Variants in LMX1B observed in about 807,000 individuals in gnomAD.
LMX1B encodes the protein LIM homeobox transcription factor 1-beta.
A neutral mutation model predicts 51.4 loss-of-function variants in LMX1B; 12 were observed. That is an observed-to-expected ratio of 0.23 (90% CI 0.15 to 0.38). The LOEUF is 0.38. LMX1B is among the 10% of genes least tolerant of loss of function. The probability of loss-of-function intolerance (pLI) is 1.00; values close to 1 mark genes in which losing one functional copy is unlikely to be tolerated. For synonymous variants in LMX1B, 237 were observed against 235.4 expected (o/e 1.01, Z -0.06); for missense variants, 445 against 571.1 (o/e 0.78, Z 2.25).
At chr9:126,678,976 A>G (rs1356376266) in intron 2 of LMX1B, among the ~76,000 whole-genome samples, 1 of 152,218 alleles carries the variant, frequency 6.6e-6, no homozygotes, top group African/African-American at 2.4e-5. Context: ...CAGCAGTCCA[A>G]AATCCTTAAA....
At chr9:126,685,574 G>C (rs1258606353) in intron 2 of LMX1B, among the ~76,000 whole-genome samples, 1 of 152,200 alleles carries the variant, frequency 6.6e-6, no homozygotes, top group Non-Finnish European at 1.5e-5. Context: ...TTGCCTTGAG[G>C]AGTGGAAGAG....
chr9:126,669,103 C>T (rs570101963), intron 2 of LMX1B, among the ~76,000 whole-genome samples: 11 of 152,274 alleles, frequency 7.2e-5, no homozygotes, highest in Non-Finnish European at 1.3e-4. Flanking sequence ...TCCTGGACCC[C>T]GAGGGCGGAG....
Position 126,673,255 on chromosome 9 carries a change from G to A in LMX1B, c.327-17581G>A. Reference sequence around the variant, plus strand: ...AGACACCACAGGGAGCCCCTACCTAGGGAAAGGGCATTGAGGGGACCTGTC... The same window carrying A: ...AGACACCACAGGGAGCCCCTACCTAAGGAAAGGGCATTGAGGGGACCTGTC... On this transcript the variant is annotated intron_variant, in intron 2 of 7. Transcript: ENST00000373474. The surrounding 1 kb of genome is among the most constrained non-coding windows in gnomAD (Gnocchi z 4.4). Among the ~76,000 whole-genome samples the A allele has an allele frequency of 6.6e-6, 1 of 152,164 alleles. No homozygotes were observed. The highest frequency in any genetic ancestry group is 1.9e-4 in the East Asian group (1 of 5,170).
intron 2 of LMX1B, among the ~76,000 whole-genome samples, chr9:126,619,498 G>A (rs1337175444): frequency 6.6e-6 from 1 of 152,226 alleles, no homozygotes; most frequent in Non-Finnish European, 1.5e-5. Flanking sequence ...GGGCTGCAGA[G>A]CGCCTGTCCT....
At chr9:126,670,634 A>AG (rs1258708209) in intron 2 of LMX1B, among the ~76,000 whole-genome samples, 1 of 152,112 alleles carries the variant, frequency 6.6e-6, no homozygotes, top group Non-Finnish European at 1.5e-5. Flanking sequence ...GACACGGGTG[A>AG]GGGCCTAGAC....
intron 2 of LMX1B, among the ~76,000 whole-genome samples, chr9:126,648,133 G>T (rs1047197340): frequency 3.9e-5 from 6 of 152,238 alleles, no homozygotes; most frequent in African/African-American, 1.4e-4. Flanking sequence ...GAAAAGGGAA[G>T]GGGAGAAAAA....
At chr9:126,633,808 G>A (rs1445905885) in intron 2 of LMX1B, among the ~76,000 whole-genome samples, 1 of 152,154 alleles carries the variant, frequency 6.6e-6, no homozygotes, top group Non-Finnish European at 1.5e-5. Context: ...CTGATTTAAG[G>A]ATCACATTAT....
intron 2 of LMX1B, among the ~76,000 whole-genome samples, chr9:126,681,401 C>T (rs1042706723): frequency 7.2e-5 from 11 of 152,176 alleles, no homozygotes; most frequent in Non-Finnish European, 1.5e-4. Context: ...CTCCATCATT[C>T]CGGATGCTCA....
intron 2 of LMX1B, among the ~76,000 whole-genome samples, chr9:126,688,899 G>C (rs976500879): frequency 6.6e-6 from 1 of 152,312 alleles, no homozygotes; most frequent in Admixed American, 6.5e-5. Context: ...ATGGAACCCT[G>C]GTAGAGGTGG....
intron 2 of LMX1B, among the ~76,000 whole-genome samples, chr9:126,647,908 A>G (rs995829755): frequency 7.2e-5 from 11 of 152,216 alleles, no homozygotes; most frequent in Non-Finnish European, 8.8e-5. Flanking sequence ...CTCTCCCCAG[A>G]GATCCGACAT....
At chr9:126,669,662 G>A (rs1393806588) in intron 2 of LMX1B, among the ~76,000 whole-genome samples, 1 of 152,168 alleles carries the variant, frequency 6.6e-6, no homozygotes, top group Non-Finnish European at 1.5e-5. Flanking sequence ...GTGCCTGTGT[G>A]TACGTCTGTA....
chr9:126,695,933 C>T lies in LMX1B; in HGVS notation c.981C>T (p.Tyr327=), dbSNP rs1236589732. The T allele has an allele frequency of 1.2e-5, 19 of 1,613,224 alleles. No homozygotes were observed. Among genetic ancestry groups the T allele is most frequent in the South Asian group, 9.9e-5 (9 of 91,072 alleles). Residue 327 remains tyrosine (Y), a synonymous_variant, in exon 7 of 8, where the codon TAC becomes TAT. Transcript: ENST00000373474. The surrounding 1 kb of genome is among the most constrained non-coding windows in gnomAD (Gnocchi z 5.2). The stretch of plus-strand genomic sequence containing the variant: ...TCGTGGCCATGGAACAGAGCCCCTA[C>T]GGCAGCAGCGACCCCTTCCAGCAGG... The part of the protein sequence containing the change: ...QQIVAMEQSP[Y]GSSDPFQQGL...
chr9:126,623,638 G>A (rs577374822), intron 2 of LMX1B, among the ~76,000 whole-genome samples: 69 of 152,216 alleles, frequency 4.5e-4, no homozygotes, highest in African/African-American at 1.6e-3. Flanking sequence ...CTCCTATACC[G>A]ACCTTCCGGA....
intron 2 of LMX1B, among the ~76,000 whole-genome samples, chr9:126,675,316 C>T (rs572716068): frequency 6.6e-6 from 1 of 152,256 alleles, no homozygotes; most frequent in African/African-American, 2.4e-5. Context: ...GGGAGGGGAC[C>T]GATGGCTAGG....
chr9:126,636,863 G>A (rs534116400), intron 2 of LMX1B, among the ~76,000 whole-genome samples: 3 of 152,332 alleles, frequency 2.0e-5, no homozygotes, highest in African/African-American at 2.4e-5. Context: ...CTGTGTGTGC[G>A]TGCATGCAGG....
chr9:126,675,619 G>T (rs1338155735), intron 2 of LMX1B, among the ~76,000 whole-genome samples: 1 of 151,788 alleles, frequency 6.6e-6, no homozygotes, highest in East Asian at 1.9e-4. Flanking sequence ...CAGCTACTCA[G>T]GAGGCTGAGG....
intron 2 of LMX1B, among the ~76,000 whole-genome samples, chr9:126,683,052 G>C (rs1836705651): frequency 6.6e-6 from 1 of 151,538 alleles, no homozygotes; most frequent in Non-Finnish European, 1.5e-5. Flanking sequence ...GCCCCGGCTG[G>C]GGGCTCCCGA....
intron 2 of LMX1B, among the ~76,000 whole-genome samples, chr9:126,670,275 T>A (rs953246414): frequency 2.0e-5 from 3 of 152,134 alleles, no homozygotes; most frequent in African/African-American, 7.2e-5. Flanking sequence ...GCGGCAGACC[T>A]CCCCACGGGT....
Position 126,614,410 on chromosome 9 carries a change from G to A in LMX1B, c.-40G>A, listed in dbSNP as rs1200721517. ...AGCGGGTGGACGGGCCGGCGGGCGA[G>A]CAGCCCGGCCGGCGGGGTCCGCAGC... On this transcript the variant is annotated 5_prime_UTR_variant, in exon 1 of 8. Coordinates refer to ENST00000373474, the MANE Select transcript of LMX1B (RefSeq NM_001174147.2). 7 of 1,408,412 alleles carry A rather than the reference G, an allele frequency of 5.0e-6. No individual in the cohort carries two copies. The highest frequency in any genetic ancestry group is 1.5e-5 in the African/African-American group (1 of 66,188). The allele number at this position is 1,408,412 out of a possible 1,614,324, so 87.2% of individuals were successfully genotyped here.
Sources: gnomAD v4.1 joint callset for allele counts (sites outside exome capture counted in the v4.1 genomes callset) on GRCh38, gnomAD v4.1.1 for gene constraint, Gnocchi (gnomAD v3.1) non-coding constraint, MANE v1.5 for transcripts, NCBI Gene and HGNC (gene_info 2026-07-23, HGNC 2026-07-21) for gene names.